The following AHNAK2 variants were observed in gnomAD, a reference collection of about 807,000 sequenced individuals.
The protein encoded by AHNAK2 is protein AHNAK2.
Under a neutral mutation model 30.7 loss-of-function variants are expected in AHNAK2, and 18 were observed. The ratio of observed to expected loss-of-function variants is 0.59; its 90% CI spans 0.41 to 0.87. AHNAK2 has a LOEUF of 0.87. AHNAK2 is among the 40% of genes least tolerant of loss of function. The pLI, the probability that AHNAK2 is intolerant of heterozygous loss-of-function variation, is 0.00. For missense variants in AHNAK2, 8,604 were observed against 7,373.0 expected (o/e 1.17, Z -6.11); for synonymous variants, 3,590 against 3,073.8 (o/e 1.17, Z -5.56).
chr14:104,948,256 C>G lies in AHNAK2; in HGVS notation c.7195G>C (p.Gly2399Arg). ...GGCATCTGCAGCTTGGGCAGGTGCCCTTTGAGGCCGGCTCCCTCCGGCACG... is the reference window on the plus strand; with the variant it reads ...GGCATCTGCAGCTTGGGCAGGTGCCGTTTGAGGCCGGCTCCCTCCGGCACG... ...GPVPEGAGLK[G>R]HLPKLQMPSF... The change falls in exon 7 of 7, where the codon GGG becomes CGG. Residue 2399 changes from glycine to arginine, a missense_variant. Gly to Arg is a moderately radical substitution (Grantham distance 125). Coordinates refer to ENST00000333244, the MANE Select transcript of AHNAK2 (RefSeq NM_138420.4). 1 of 1,612,322 alleles carries G rather than the reference C, an allele frequency of 6.2e-7. No individual in the cohort carries two copies. The highest frequency in any genetic ancestry group is 8.5e-7 in the Non-Finnish European group (1 of 1,179,470).
Position 104,953,066 on chromosome 14 carries a change from A to G in AHNAK2, c.2385T>C (p.Ser795=). The G allele has an allele frequency of 1.2e-6, 2 of 1,613,100 alleles. No individual in the cohort carries two copies. Among genetic ancestry groups the G allele is most frequent in the Non-Finnish European group, 1.7e-6 (2 of 1,179,700 alleles). ...AEVTAPDVKM[S]LSSMEVDVQA... ...GGACGTCCACCTCCATGCTGGACAGAGACATCTTCACATCGGGGGCTGTCA... is the reference window on the plus strand; with the variant it reads ...GGACGTCCACCTCCATGCTGGACAGGGACATCTTCACATCGGGGGCTGTCA... Residue 795 remains serine (S), a synonymous_variant, in exon 7 of 7, where the codon TCT becomes TCC. Transcript: ENST00000333244.
chr14:104,942,760 G>C lies in AHNAK2; in HGVS notation c.12691C>G (p.Leu4231Val), dbSNP rs745985994. ...TTGACATCCACCTGGGGGCCCTTGA[G>C]GGCCACTTTGGGCATCTTCAAACAG... is the stretch of plus-strand genomic sequence containing the variant. ...MPCLKMPKVA[L>V]KGPQVDVKGP... is the part of the protein sequence containing the mutation. The change falls in exon 7 of 7, where the codon CTC (leucine) becomes GTC (valine). Residue 4231 changes from leucine (L) to valine (V), a missense_variant. Physicochemically the swap from Leu to Val is conservative, Grantham distance 32. Transcript: ENST00000333244. The C allele has an allele frequency of 1.2e-6, 2 of 1,613,062 alleles. No individual in the cohort carries two copies. Among genetic ancestry groups the C allele is most frequent in the Non-Finnish European group, 1.7e-6 (2 of 1,179,626 alleles).
chr14:104,938,744 G>A lies in AHNAK2; in HGVS notation c.16707C>T (p.Asp5569=), dbSNP rs763369930. Residue 5569 remains aspartate (D), a synonymous_variant, in exon 7 of 7, where the codon GAC becomes GAT. Transcript: ENST00000333244. ...VDSISGDLQP[D]TGEPFEMISS... is the part of the protein sequence containing the mutation. ...AGATCATCTCAAATGGTTCTCCAGT[G>A]TCAGGCTGGAGATCTCCAGAAATGG... 1 of 1,613,882 alleles carries A rather than the reference G, an allele frequency of 6.2e-7. No individual in the cohort carries two copies. The highest frequency in any genetic ancestry group is 1.1e-5 in the South Asian group (1 of 91,068).
In AHNAK2 at chr14:104,949,516, TGTC is replaced by T. The variant is rs1385337304; in HGVS notation, c.5932_5934del (p.Asp1978del). ...TTGCTGTCTTTGGCAGTCATGTCCT[TGTC>T]GGCCAGGGACAGGTCTCCCTCCAGC... On this transcript the variant is annotated inframe_deletion, in exon 7 of 7. Transcript: ENST00000333244. 1 of 1,587,994 alleles carries T rather than the reference TGTC, an allele frequency of 6.3e-7. No homozygotes were observed. Among genetic ancestry groups the T allele is most frequent in the East Asian group, 2.2e-5 (1 of 44,670 alleles).
chr14:104,948,567 A>T lies in AHNAK2; in HGVS notation c.6884T>A (p.Leu2295Gln), dbSNP rs1350533850. ...EVDVKAPGAK[L>Q]DGARLEGDMS... Reference sequence around the variant, plus strand: ...GTCCCCCTCCAGCCGCGCACCATCCAGCTTGGCTCCTGGGGCCTTGACGTC... The same window carrying T: ...GTCCCCCTCCAGCCGCGCACCATCCTGCTTGGCTCCTGGGGCCTTGACGTC... Residue 2295 changes from leucine to glutamine, a missense_variant, in exon 7 of 7, where the codon CTG becomes CAG. Leu to Gln is a moderately radical substitution (Grantham distance 113). Transcript: ENST00000333244. 1 of 1,612,316 alleles carries T rather than the reference A, an allele frequency of 6.2e-7. No individual in the cohort carries two copies. The highest frequency in any genetic ancestry group is 8.5e-7 in the Non-Finnish European group (1 of 1,179,742).
Position 104,949,943 on chromosome 14 carries a change from A to G in AHNAK2, c.5508T>C (p.Ser1836=), listed in dbSNP as rs200758735. ...PKFKMPSFGV[S]APGKSIEASV... ...AGGCCTCGATGGACTTGCCTGGGGC[A>G]GACACCCCGAACGACGGCATCTTGA... The change falls in exon 7 of 7, where the codon TCT becomes TCC. Residue 1836 remains serine (S), a synonymous_variant. Transcript: ENST00000333244. 2 of 1,576,998 alleles carry G rather than the reference A, an allele frequency of 1.3e-6. No homozygotes were observed. The highest frequency in any genetic ancestry group is 1.8e-5 in the Admixed American group (1 of 56,564).
rs369275034 is a variant in AHNAK2 at position 104,956,683 on chromosome 14, C to G, written c.220G>C (p.Ala74Pro). The G allele has an allele frequency of 2.1e-5, 34 of 1,613,462 alleles. No homozygotes were observed. Among genetic ancestry groups the G allele is most frequent in the Admixed American group, 5.0e-5 (3 of 60,004 alleles). ...CCAGCAGAACCTTGCCTGCCGGGGG[C>G]GTCTTCCTGCAGCCACAAGTGTTGG... ...EAADFGLQED[A>P]PGRQGSAGRR... Residue 74 changes from alanine to proline, a missense_variant, in exon 4 of 7, where the codon GCC becomes CCC. Transcript: ENST00000333244.
In AHNAK2 at chr14:104,952,476, G is replaced by A. The variant is rs1168355062; in HGVS notation, c.2975C>T (p.Thr992Ile). 2 of 1,612,744 alleles carry A rather than the reference G, an allele frequency of 1.2e-6. No homozygotes were observed. Among genetic ancestry groups the A allele is most frequent in the East Asian group, 2.2e-5 (1 of 44,816 alleles). Residue 992 changes from threonine (T) to isoleucine (I), a missense_variant, in exon 7 of 7, where the codon ACT (threonine) becomes ATT (isoleucine). Transcript: ENST00000333244. ...GDLSLADKDVTAKDSKFKMPK... is the reference protein window; with the variant it reads ...GDLSLADKDVIAKDSKFKMPK... ...CATTTTGAACTTGCTGTCTTTGGCA[G>A]TCACGTCCTTGTCGGCCAGGGACAG...
Position 104,946,238 on chromosome 14 carries a change from C to T in AHNAK2, c.9213G>A (p.Met3071Ile), listed in dbSNP as rs746458017. Residue 3071 changes from methionine (M) to isoleucine (I), a missense_variant, in exon 7 of 7, where the codon ATG becomes ATA. Met to Ile is a conservative substitution (Grantham distance 10). Transcript: ENST00000333244. ...GGGGTCCCTTGCGATCTACTTTGGG[C>T]ATCTTGAAACTGGGCATCTGCAACT... The part of the protein sequence containing the change: ...LPKLQMPSFK[M>I]PKVDRKGPQI... The T allele has an allele frequency of 2.0e-5, 32 of 1,607,452 alleles. No individual in the cohort carries two copies. The highest frequency in any genetic ancestry group is 2.7e-5 in the Non-Finnish European group (32 of 1,177,344).
Position 104,953,818 on chromosome 14 carries a change from T to C in AHNAK2, c.1633A>G (p.Thr545Ala). The change falls in exon 7 of 7, where the codon ACA becomes GCA. Residue 545 changes from threonine (T) to alanine (A), a missense_variant. By Grantham distance (58) the Thr-to-Ala change is moderately conservative. Transcript: ENST00000333244. ...AGWMPGREPT[T>A]HAEAQGDEGD... Reference sequence around the variant, plus strand: ...TCATCCCCCTGTGCTTCTGCATGTGTGGTTGGTTCCCTGCCCGGCATCCAC... The same window carrying C: ...TCATCCCCCTGTGCTTCTGCATGTGCGGTTGGTTCCCTGCCCGGCATCCAC... 1 of 1,614,018 alleles carries C rather than the reference T, an allele frequency of 6.2e-7. No individual in the cohort carries two copies. Among genetic ancestry groups the C allele is most frequent in the Non-Finnish European group, 8.5e-7 (1 of 1,179,896 alleles).
rs1898911560 is a variant in AHNAK2 at position 104,954,570 on chromosome 14, G to C, written c.881C>G (p.Ser294Cys). ...GGCCTCTGTGTCTGTGCTTGTAGGGGACACGTCATGTGCGTCCCTAGGTTC... is the reference window on the plus strand; with the variant it reads ...GGCCTCTGTGTCTGTGCTTGTAGGGCACACGTCATGTGCGTCCCTAGGTTC... ...AYEPRDAHDV[S>C]PTSTDTEAQL... The change falls in exon 7 of 7, where the codon TCC becomes TGC. Residue 294 changes from serine (S) to cysteine (C), a missense_variant. Coordinates refer to ENST00000333244, the MANE Select transcript of AHNAK2 (RefSeq NM_138420.4). The surrounding 1 kb of genome is among the most constrained non-coding windows in gnomAD (Gnocchi z 4.3). 6.2e-7 allele frequency: 1 copy of C among 1,608,456 alleles called. No homozygotes were observed. The highest frequency in any genetic ancestry group is 2.2e-5 in the East Asian group (1 of 44,806).
rs771683700 is a variant in AHNAK2 at position 104,946,630 on chromosome 14, G to A, written c.8821C>T (p.Leu2941=). The A allele has an allele frequency of 7.4e-6, 12 of 1,612,880 alleles. No individual in the cohort carries two copies. The East Asian group carries it at 8.9e-5, about 12-fold the overall frequency. Residue 2941 remains leucine, a synonymous_variant, in exon 7 of 7, where the codon CTG becomes TTG. Transcript: ENST00000333244. ...EVTAPDVEVS[L]PSVEVDVEAP... ...TCGACGTCCACCTCCACGCTGGGCAGAGACACCTCCACGTCGGGGGCCGTC... is the reference window on the plus strand; with the variant it reads ...TCGACGTCCACCTCCACGCTGGGCAAAGACACCTCCACGTCGGGGGCCGTC...
In AHNAK2 at chr14:104,944,391, C is replaced by A. The variant is rs1898147645; in HGVS notation, c.11060G>T (p.Ser3687Ile). ...CAGGTCGGCAGAAGGGGGCTGAATG[C>A]TGAGGTCAGTGGTCTTCAGGTCCCC... ...MQGDLKTTDLSIQPPSADLKV... is the reference protein window; with the variant it reads ...MQGDLKTTDLIIQPPSADLKV... Residue 3687 changes from serine (S) to isoleucine (I), a missense_variant, in exon 7 of 7, where the codon AGC (serine) becomes ATC (isoleucine). Transcript: ENST00000333244. 1 of 1,612,750 alleles carries A rather than the reference C, an allele frequency of 6.2e-7. No individual in the cohort carries two copies. Among genetic ancestry groups the A allele is most frequent in the Non-Finnish European group, 8.5e-7 (1 of 1,179,464 alleles).
At chr14:104,965,949 G>A (rs1163796482) in intron 1 of AHNAK2, among the ~76,000 whole-genome samples, 1 of 152,172 alleles carries the variant, frequency 6.6e-6, no homozygotes, top group African/African-American at 2.4e-5. Flanking sequence ...TCCCGCAGAG[G>A]CACCCCCAGG....
chr14:104,978,315 G>T lies in AHNAK2; in HGVS notation c.-78C>A. ...CCCGGCTCCGGCGCACGGGGCGGGC[G>T]GGCGGGAGCCGCGCTCTGCCCCGCT... On this transcript the variant is annotated 5_prime_UTR_variant, in exon 1 of 7. Coordinates refer to ENST00000333244, the MANE Select transcript of AHNAK2 (RefSeq NM_138420.4). 1 of 882,038 alleles carries T rather than the reference G, an allele frequency of 1.1e-6. No individual in the cohort carries two copies. The highest frequency in any genetic ancestry group is 5.3e-5 in the South Asian group (1 of 19,012). The allele number at this position is 882,038 out of a possible 1,614,324, so 54.6% of individuals were successfully genotyped here. A position where few individuals can be genotyped will look rare whatever the true frequency, so the allele number is the denominator to read the frequency against.
chr14:104,953,277 A>C lies in AHNAK2; in HGVS notation c.2174T>G (p.Val725Gly). 1 of 1,612,752 alleles carries C rather than the reference A, an allele frequency of 6.2e-7. No homozygotes were observed. Among genetic ancestry groups the C allele is most frequent in the Non-Finnish European group, 8.5e-7 (1 of 1,179,614 alleles). ...CTCCAGGTCAGCGGAAGGGGTCTGG[A>C]CGCTGAGGTCAGTGGTCTTGAGGTC... The part of the protein sequence containing the change: ...QGDLKTTDLS[V>G]QTPSADLEVQ... The change falls in exon 7 of 7, where the codon GTC becomes GGC. Residue 725 changes from valine (V) to glycine (G), a missense_variant. Physicochemically the swap from Val to Gly is moderately radical, Grantham distance 109. Coordinates refer to ENST00000333244, the MANE Select transcript of AHNAK2 (RefSeq NM_138420.4).
chr14:104,950,600 C>T lies in AHNAK2; in HGVS notation c.4851G>A (p.Val1617=), dbSNP rs201804631. The change falls in exon 7 of 7, where the codon GTG becomes GTA. Residue 1617 remains valine (V), a synonymous_variant. Transcript: ENST00000333244. ...CCTCCATGCTGGACAGAGACATCTT[C>T]ACATCGGGGGCTGTCACTTCCACCT... ...GPKVEVTAPD[V]KMSLSSMEVD... is the part of the protein sequence containing the mutation. 4 of 1,586,004 alleles carry T rather than the reference C, an allele frequency of 2.5e-6. No individual in the cohort carries two copies. The highest frequency in any genetic ancestry group is 1.4e-5 in the African/African-American group (1 of 72,212).
At chr14:104,965,180 A>G (rs901958840) in intron 1 of AHNAK2, among the ~76,000 whole-genome samples, 6 of 152,224 alleles carry the variant, frequency 3.9e-5, no homozygotes, top group Non-Finnish European at 8.8e-5. Flanking sequence ...GCCCCGATGG[A>G]TAATCCAAGT....
rs1479004153 is a variant in AHNAK2, at chr14:104,943,655, G to A, written c.11796C>T (p.Pro3932=). The change falls in exon 7 of 7, where the codon CCC becomes CCT. Residue 3932 remains proline (P), a synonymous_variant. Coordinates refer to ENST00000333244, the MANE Select transcript of AHNAK2 (RefSeq NM_138420.4). The part of the protein sequence containing the change: ...VTAPDVEVSL[P]SVEVDVEAPG... ...GGGCCTCGACGTCCACCTCCACGCT[G>A]GGCAGAGAAACCTCCACATCAGGGG... The A allele has an allele frequency of 1.9e-6, 3 of 1,613,256 alleles. No homozygotes were observed. Among genetic ancestry groups the A allele is most frequent in the Admixed American group, 3.3e-5 (2 of 59,958 alleles).
Sources: gnomAD v4.1 joint callset for allele counts (sites outside exome capture counted in the v4.1 genomes callset) on GRCh38, gnomAD v4.1.1 for gene constraint, Gnocchi (gnomAD v3.1) non-coding constraint, MANE v1.5 for transcripts, NCBI Gene and HGNC (gene_info 2026-07-23, HGNC 2026-07-21) for gene names.